The following SH3GL1 variants were observed in gnomAD, a reference collection of about 807,000 sequenced individuals.
The protein encoded by SH3GL1 is SH3 domain containing GRB2 like 1, endophilin A2.
In SH3GL1, 21 loss-of-function variants were observed where a neutral mutation model predicts 48.8. The observed-to-expected ratio is 0.43, with a 90% confidence interval of 0.30 to 0.62. The LOEUF is 0.62. Ranked by LOEUF, SH3GL1 falls within the 20% of genes least tolerant of loss-of-function variation. The pLI, the probability that SH3GL1 is intolerant of heterozygous loss-of-function variation, is 0.11. For missense variants in SH3GL1, 454 were observed against 503.0 expected (o/e 0.90, Z 0.93); for synonymous variants, 282 against 217.5 (o/e 1.30, Z -2.61).
In SH3GL1 at chr19:4,364,169, C is replaced by T. The variant is rs1972707083; in HGVS notation, c.384G>A (p.Lys128=). 6.2e-7 allele frequency: 1 copy of T among 1,613,958 alleles called. No homozygotes were observed. Among genetic ancestry groups the T allele is most frequent in the Non-Finnish European group, 8.5e-7 (1 of 1,180,010 alleles). Residue 128 remains lysine, a synonymous_variant, in exon 5 of 10, where the codon AAG becomes AAA. Coordinates refer to ENST00000269886, the MANE Select transcript of SH3GL1 (RefSeq NM_003025.4). The part of the protein sequence containing the change: ...GESMKRLAEV[K]DSLDIEVKQN... ...GCTTGACCTCGATGTCCAGGGAGTC[C>T]TTCACCTCTGCCAGGCGCTTCATGG...
chr19:4,362,829 G>A lies in SH3GL1; in HGVS notation c.729-93C>T, dbSNP rs1352347567. ...ATGCTGCTGCCTAATGACCTGGCCT[G>A]GGACTGCAGGAAGAGGCCGTCAGTG... On this transcript the variant is annotated intron_variant, in intron 7 of 9. Transcript: ENST00000269886. 8.2e-6 allele frequency: 13 copies of A among 1,587,658 alleles called. No individual in the cohort carries two copies. In the Admixed American group the frequency reaches 1.5e-4, roughly 18 times the overall value.
At chr19:4,374,234 C>G (rs1380033532) in intron 1 of SH3GL1, among the ~76,000 whole-genome samples, 1 of 152,234 alleles carries the variant, frequency 6.6e-6, no homozygotes, top group African/African-American at 2.4e-5. Flanking sequence ...GGAAAGAAGT[C>G]ACGCAGACGA....
chr19:4,362,462 G>C lies in SH3GL1; in HGVS notation c.854-77C>G, dbSNP rs942470599. 17 of 1,571,388 alleles carry C rather than the reference G, an allele frequency of 1.1e-5. No individual in the cohort carries two copies. The African/African-American group carries it at 2.0e-4, about 19-fold the overall frequency. ...CCCCTTCTGCAGAAGGCTGGGGCCA[G>C]CCCTTCCCGTCTGCCTTGGCGGTCC... is the stretch of plus-strand genomic sequence containing the variant. On this transcript the variant is annotated intron_variant, in intron 8 of 9. Transcript: ENST00000269886.
rs965049101 is a variant in SH3GL1 at position 4,360,432 on chromosome 19, G to A, written c.*1168C>T. ...TCAGGCGTACATTTCAGTTTGCCCT[G>A]GACCGTGCCCAAAGCTGTGTGCTCA... On this transcript the variant is annotated 3_prime_UTR_variant, in exon 10 of 10. Transcript: ENST00000269886. The A allele has an allele frequency of 3.3e-5, 8 of 243,770 alleles. No homozygotes were observed. The highest frequency in any genetic ancestry group is 6.4e-5 in the Non-Finnish European group (8 of 124,482). 15.1% of individuals were successfully genotyped at this position (243,770 alleles called of 1,614,324 possible).
chr19:4,383,384 T>C (rs888586648), intron 1 of SH3GL1, among the ~76,000 whole-genome samples: 1 of 151,904 alleles, frequency 6.6e-6, no homozygotes, highest in South Asian at 2.1e-4. Context: ...AGAGTTATTT[T>C]TTTTTTTATT....
intron 1 of SH3GL1, among the ~76,000 whole-genome samples, chr19:4,392,569 C>CACAA (rs1441284386): frequency 3.9e-5 from 5 of 127,498 alleles, no homozygotes; most frequent in African/African-American, 1.6e-4. Flanking sequence ...CACACACACA[C>CACAA]AAAAGATCAT....
intron 9 of SH3GL1, among the ~76,000 whole-genome samples, chr19:4,362,091 C>T (rs911605865): frequency 1.3e-5 from 2 of 152,224 alleles, no homozygotes; most frequent in African/African-American, 4.8e-5. Flanking sequence ...GCCCTTGTAG[C>T]CACCACACAG....
intron 1 of SH3GL1, chr19:4,395,674 G>A (rs1973412633): frequency 6.6e-6 from 1 of 152,216 alleles, no homozygotes; most frequent in Admixed American, 6.5e-5. Context: ...TTGGGAGGCT[G>A]AGGCGGGCAG....
chr19:4,364,060 A>C, intron 5 of SH3GL1, 28 bp downstream of exon 5: 1 of 1,611,566 alleles, frequency 6.2e-7, no homozygotes. Context: ...GGGAAGGGAC[A>C]GGCCCCAGGC....
At chr19:4,384,710 G>C (rs1568418625) in intron 1 of SH3GL1, among the ~76,000 whole-genome samples, 1 of 152,356 alleles carries the variant, frequency 6.6e-6, no homozygotes, top group East Asian at 1.9e-4. Context: ...AGAACGGATA[G>C]ACACACTGTG....
rs115853181 is a variant in SH3GL1 at position 4,366,414 on chromosome 19, C to G, written c.187+87G>C. ...GTGCCTGAAGCCCACAACCCATGAGCCTGGCGGTTCTGTCATCCCCTGCCT... is the reference window on the plus strand; with the variant it reads ...GTGCCTGAAGCCCACAACCCATGAGGCTGGCGGTTCTGTCATCCCCTGCCT... On this transcript the variant is annotated intron_variant, in intron 3 of 9. Transcript: ENST00000269886. 3,778 of 1,054,448 alleles carry G rather than the reference C, an allele frequency of 3.6e-3. 104 individuals carry two copies. In the African/African-American group the frequency reaches 0.053, roughly 15 times the overall value. 65.3% of individuals were successfully genotyped at this position (1,054,448 alleles called of 1,614,324 possible). A position where few individuals can be genotyped will look rare whatever the true frequency, so the allele number is the denominator to read the frequency against.
At chr19:4,385,100 C>CAAAAAA (rs774287504) in intron 1 of SH3GL1, among the ~76,000 whole-genome samples, 1 of 109,894 alleles carries the variant, frequency 9.1e-6, no homozygotes, top group Non-Finnish European at 1.8e-5. Context: ...GACTCCATCT[C>CAAAAAA]AAAAAAAAAA....
rs1428912171 is a variant in SH3GL1 at position 4,361,568 on chromosome 19, G to A, written c.*32C>T. 2.6e-6 allele frequency: 4 copies of A among 1,534,288 alleles called. No homozygotes were observed. The highest frequency in any genetic ancestry group is 2.3e-5 in the South Asian group (2 of 86,626). Reference sequence around the variant, plus strand: ...CCCAGCAGGGGGTGCCGGCCAGTGTGGACGGAGGGGCGGGGCGGGGACACG... The same window carrying A: ...CCCAGCAGGGGGTGCCGGCCAGTGTAGACGGAGGGGCGGGGCGGGGACACG... On this transcript the variant is annotated 3_prime_UTR_variant, in exon 10 of 10. Transcript: ENST00000269886.
In SH3GL1 at chr19:4,364,916, A is replaced by ATATT. The variant is rs1450528018; in HGVS notation, c.331+565_331+566insAATA. Among the ~76,000 whole-genome samples, 36 of 116,222 alleles carry ATATT rather than the reference A, an allele frequency of 3.1e-4. 1 individual carries two copies. Among genetic ancestry groups the ATATT allele is most frequent in the African/African-American group, 5.7e-4 (15 of 26,472 alleles). The allele number at this position is 116,222 out of a possible 152,430, so 76.2% of individuals were successfully genotyped here. On this transcript the variant is annotated intron_variant, in intron 4 of 9. Coordinates refer to ENST00000269886, the MANE Select transcript of SH3GL1 (RefSeq NM_003025.4). ...TGTGTGTGTATATATATATATATAT[A>ATATT]TTTTTTTTTTTTTAGTAGAAGCGGG...
chr19:4,375,940 AG>A (rs910830473), intron 1 of SH3GL1, among the ~76,000 whole-genome samples: 1 of 152,232 alleles, frequency 6.6e-6, no homozygotes, highest in African/African-American at 2.4e-5. Context: ...CCACATGCAC[AG>A]GAACGATAAG....
At chr19:4,364,025 G>A in intron 5 of SH3GL1, 63 bp downstream of exon 5, 1 of 1,608,022 alleles carries the variant, frequency 6.2e-7, no homozygotes, top group Non-Finnish European at 8.5e-7. Flanking sequence ...AGGGTGGCAG[G>A]AATGGGGCTG....
At chr19:4,377,123 A>T (rs1015640563) in intron 1 of SH3GL1, among the ~76,000 whole-genome samples, 9 of 152,178 alleles carry the variant, frequency 5.9e-5, no homozygotes, top group African/African-American at 2.2e-4. Flanking sequence ...GGTTGGGAAA[A>T]TTTGCAAAGA....
intron 1 of SH3GL1, among the ~76,000 whole-genome samples, chr19:4,391,024 A>T (rs1156273977): frequency 6.6e-6 from 1 of 152,186 alleles, no homozygotes; most frequent in African/African-American, 2.4e-5. Flanking sequence ...GCTTGGCTGT[A>T]CCCTAGGCCC....
At chr19:4,397,751 T>C (rs1158399390) in intron 1 of SH3GL1, among the ~76,000 whole-genome samples, 8 of 152,218 alleles carry the variant, frequency 5.3e-5, no homozygotes, top group Non-Finnish European at 7.3e-5. Context: ...CTAAAATTCG[T>C]CTGGATTAAA....
Sources: allele counts gnomAD v4.1 joint callset (sites outside exome capture counted in the v4.1 genomes callset), GRCh38; gene constraint gnomAD v4.1.1; transcripts MANE v1.5; gene names NCBI Gene and HGNC (gene_info 2026-07-23, HGNC 2026-07-21).